The following SATB2 variants were observed in gnomAD, a reference collection of about 807,000 sequenced individuals.
The protein encoded by SATB2 is SATB homeobox 2.
Under a neutral mutation model 73.4 loss-of-function variants are expected in SATB2, and 1 was observed. The observed-to-expected ratio is 0.01, with a 90% CI of 0.00 to 0.06. SATB2 has a LOEUF of 0.06. Among genes scored for constraint, SATB2 ranks in the 10% least tolerant of loss-of-function variants. The probability of loss-of-function intolerance (pLI) is 1.00; values close to 1 mark genes in which losing one functional copy is unlikely to be tolerated. For missense variants in SATB2, 459 were observed against 945.8 expected, an observed-to-expected ratio of 0.49 and a Z score of 6.75; for synonymous variants, 397 against 367.0, an observed-to-expected ratio of 1.08 and a Z score of -0.93.
chr2:199,339,547 G>A (rs1208560683), intron 7 of SATB2, among the ~76,000 whole-genome samples: 1 of 152,084 alleles, frequency 6.6e-6, no homozygotes, highest in African/African-American at 2.4e-5. Context: ...TCAGTGTGTG[G>A]ACTTCCTTTT....
intron 6 of SATB2, among the ~76,000 whole-genome samples, chr2:199,353,930 CAGA>C (rs1486521666): frequency 2.0e-5 from 3 of 152,152 alleles, no homozygotes; most frequent in Non-Finnish European, 1.5e-5. Context: ...CAGTATTTAG[CAGA>C]AGATCAGAAA....
At chr2:199,456,458 G>A (rs1363435663) in intron 1 of SATB2, among the ~76,000 whole-genome samples, 1 of 152,226 alleles carries the variant, frequency 6.6e-6, no homozygotes, top group Non-Finnish European at 1.5e-5. Context: ...TCAGGGTTGC[G>A]GAATAAGTGA....
chr2:199,416,935 C>G (rs982088615), intron 3 of SATB2, among the ~76,000 whole-genome samples: 1 of 151,888 alleles, frequency 6.6e-6, no homozygotes, highest in African/African-American at 2.4e-5. Context: ...ACTCCGGAGG[C>G]TGAGGCAGGA....
chr2:199,430,778 T>C (rs1691479387), intron 3 of SATB2, among the ~76,000 whole-genome samples: 1 of 152,240 alleles, frequency 6.6e-6, no homozygotes, highest in African/African-American at 2.4e-5. Context: ...TGCTGCCCTG[T>C]CATTGGGACT....
intron 10 of SATB2, among the ~76,000 whole-genome samples, chr2:199,300,519 T>C (rs1015516694): frequency 2.0e-5 from 3 of 152,038 alleles, no homozygotes; most frequent in Non-Finnish European, 4.4e-5. Context: ...AAAATCTCAA[T>C]ATTCTATTAA....
At chr2:199,358,389 C>T (rs1022435523) in intron 6 of SATB2, among the ~76,000 whole-genome samples, 9 of 151,702 alleles carry the variant, frequency 5.9e-5, no homozygotes, top group Admixed American at 3.3e-4. Context: ...ACCATTAAAA[C>T]GAACAAATAA....
At chr2:199,341,253 C>G (rs751572226) in intron 7 of SATB2, among the ~76,000 whole-genome samples, 2 of 152,124 alleles carry the variant, frequency 1.3e-5, no homozygotes, top group African/African-American at 2.4e-5. Flanking sequence ...CCTAGTAAGT[C>G]AAACTATGTC....
rs778386389 is a variant in SATB2, at chr2:199,455,825, T to C, written c.169+44A>G. 2.6e-6 allele frequency: 4 copies of C among 1,531,946 alleles called. No homozygotes were observed. The South Asian group carries it at 4.8e-5, about 18-fold the overall frequency. The allele number at this position is 1,531,946 out of a possible 1,614,324, so 94.9% of individuals were successfully genotyped here. On this transcript the variant is annotated intron_variant, in intron 2 of 10. Coordinates refer to ENST00000417098, the MANE Select transcript of SATB2 (RefSeq NM_001172509.2). This position sits in a 1 kb window ranked among gnomAD's most constrained non-coding sequence, Gnocchi z 4.1. The stretch of plus-strand genomic sequence containing the variant: ...CTGAACCCTGACACCCGGGCCATTA[T>C]CACTGGGCCGCGGGCTGCGCGCCTC...
intron 3 of SATB2, among the ~76,000 whole-genome samples, chr2:199,403,310 TTATTG>T (rs1028953079): frequency 2.0e-5 from 3 of 151,762 alleles, no homozygotes; most frequent in Non-Finnish European, 2.9e-5. Context: ...AGTGAAAAAC[TTATTG>T]TATTGTATAA....
chr2:199,290,568 G>A (rs1692827695), intron 10 of SATB2, among the ~76,000 whole-genome samples: 2 of 152,096 alleles, frequency 1.3e-5, no homozygotes, highest in South Asian at 4.1e-4. Flanking sequence ...AAAGAGCTGA[G>A]TTATCATAGT....
intron 1 of SATB2, 140 bp from the exon 2 acceptor site, chr2:199,456,236 G>T: frequency 1.5e-6 from 1 of 660,684 alleles, no homozygotes; most frequent in South Asian, 1.8e-5. Flanking sequence ...CGAGGGGCCC[G>T]AGCCGGGAAG....
At chr2:199,297,343 G>A (rs1409512666) in intron 10 of SATB2, among the ~76,000 whole-genome samples, 7 of 152,206 alleles carry the variant, frequency 4.6e-5, no homozygotes, top group Non-Finnish European at 1.0e-4. Context: ...ACTAGTGTAT[G>A]TAAGTCCACT....
intron 3 of SATB2, among the ~76,000 whole-genome samples, chr2:199,399,034 G>GC (rs1479283306): frequency 6.6e-6 from 1 of 152,144 alleles, no homozygotes. Flanking sequence ...ACTTTGGGAG[G>GC]CCAAGGTGGG....
chr2:199,289,483 A>G (rs1277794644), intron 10 of SATB2, among the ~76,000 whole-genome samples: 1 of 152,196 alleles, frequency 6.6e-6, no homozygotes, highest in African/African-American at 2.4e-5. Flanking sequence ...CAGCATCCTT[A>G]TCTACTCAGA....
Position 199,328,928 on chromosome 2 carries a change from A to T in SATB2, c.1174-18T>A, listed in dbSNP as rs1194654045. 12 of 1,591,672 alleles carry T rather than the reference A, an allele frequency of 7.5e-6. No homozygotes were observed. In the African/African-American group the frequency reaches 1.6e-4, roughly 21 times the overall value. ...AACAATCCCTGATTAAATGGGGGAA[A>T]AAAACAGACCAAGTCACATTTGCAG... On this transcript the variant is annotated intron_variant, in intron 7 of 10. Coordinates refer to ENST00000417098, the MANE Select transcript of SATB2 (RefSeq NM_001172509.2).
At chr2:199,423,159 T>C (rs1691222606) in intron 3 of SATB2, among the ~76,000 whole-genome samples, 1 of 152,194 alleles carries the variant, frequency 6.6e-6, no homozygotes, top group Admixed American at 6.6e-5. Context: ...AAAATAAGCA[T>C]AATATAATGT....
At chr2:199,371,317 G>A (rs1488091307) in intron 5 of SATB2, among the ~76,000 whole-genome samples, 3 of 152,064 alleles carry the variant, frequency 2.0e-5, no homozygotes, top group Non-Finnish European at 4.4e-5. Context: ...TCATCTTGAT[G>A]TTAGTGTCCA....
intron 10 of SATB2, among the ~76,000 whole-genome samples, chr2:199,283,453 G>T (rs1176602803): frequency 6.6e-6 from 1 of 151,324 alleles, no homozygotes; most frequent in Non-Finnish European, 1.5e-5. Context: ...AAATACAACT[G>T]CCTGGACCAT....
intron 2 of SATB2, among the ~76,000 whole-genome samples, chr2:199,438,261 T>C (rs573561728): frequency 6.8e-4 from 104 of 152,364 alleles, no homozygotes; most frequent in Middle Eastern, 6.8e-3. Flanking sequence ...CTTGTATTAG[T>C]ATCAGAGAGC....
Sources: allele counts gnomAD v4.1 joint callset (sites outside exome capture counted in the v4.1 genomes callset), GRCh38; gene constraint gnomAD v4.1.1; non-coding constraint Gnocchi (gnomAD v3.1); transcripts MANE v1.5; gene names NCBI Gene and HGNC (gene_info 2026-07-23, HGNC 2026-07-21).